The following STUM variants were observed in gnomAD, a reference collection of about 807,000 sequenced individuals.
STUM encodes the protein stum, mechanosensory transduction mediator homolog, also known as protein stum homolog.
In STUM, 8 loss-of-function variants were observed where a neutral mutation model predicts 15.3. That is an observed-to-expected ratio of 0.52 (90% CI 0.31 to 0.94). The LOEUF (loss-of-function observed/expected upper bound fraction) is 0.94. Ranked by LOEUF, STUM falls within the 40% of genes least tolerant of loss-of-function variation. The pLI is 0.05. For missense variants in STUM, 142 were observed against 204.9 expected (o/e 0.69, Z 1.87); for synonymous variants, 78 against 88.7 (o/e 0.88, Z 0.68).
chr1:226,564,197 CT>C (rs1003971910), intron 1 of STUM, among the ~76,000 whole-genome samples: 31 of 152,200 alleles, frequency 2.0e-4, no homozygotes, highest in African/African-American at 7.2e-4. Flanking sequence ...TTTAGTTTCC[CT>C]TCTGAGCCCA....
rs962466893 is a variant in STUM, at chr1:226,571,932, C to T, written c.202+22826C>T. On this transcript the variant is annotated intron_variant, in intron 1 of 3. Transcript: ENST00000366788. Reference sequence around the variant, plus strand: ...CTTGGATTACAGGCGTGAGCCACCACACCCGGCCCCTTTTCCCTTCCTTAT... The same window carrying T: ...CTTGGATTACAGGCGTGAGCCACCATACCCGGCCCCTTTTCCCTTCCTTAT... 3.3e-5 allele frequency among the ~76,000 whole-genome samples: 5 copies of T among 152,312 alleles called. No homozygotes were observed. In the East Asian group the frequency reaches 9.6e-4, roughly 29 times the overall value.
rs898906928 is a variant in STUM, at chr1:226,552,450, A to G, written c.202+3344A>G. 6.6e-6 allele frequency among the ~76,000 whole-genome samples: 1 copy of G among 152,218 alleles called. No homozygotes were observed. Among genetic ancestry groups the G allele is most frequent in the Non-Finnish European group, 1.5e-5 (1 of 68,046 alleles). Reference sequence around the variant, plus strand: ...ATATACACGATTATTCATACCTGTAATGAAAGTTCATTGTTATGCCCCAAC... The same window carrying G: ...ATATACACGATTATTCATACCTGTAGTGAAAGTTCATTGTTATGCCCCAAC... On this transcript the variant is annotated intron_variant, in intron 1 of 3. Coordinates refer to ENST00000366788, the MANE Select transcript of STUM (RefSeq NM_001003665.4). The surrounding 1 kb of genome is among the most constrained non-coding windows in gnomAD (Gnocchi z 4.7).
rs1179231929 is a variant in STUM, at chr1:226,565,568, T to G, written c.202+16462T>G. ...GCCAGTACATGGAGCCAGGGCTTCC[T>G]GCCGTCTGAAAAGTGTGGGTGTCCA... On this transcript the variant is annotated intron_variant, in intron 1 of 3. Transcript: ENST00000366788. The surrounding 1 kb of genome is among the most constrained non-coding windows in gnomAD (Gnocchi z 4.4). Among the ~76,000 whole-genome samples, 1 of 152,254 alleles carries G rather than the reference T, an allele frequency of 6.6e-6. No homozygotes were observed. The highest frequency in any genetic ancestry group is 1.5e-5 in the Non-Finnish European group (1 of 68,038).
At chr1:226,601,979 C>T in intron 3 of STUM, 27 bp from the exon 4 acceptor site, 1 of 1,608,110 alleles carries the variant, frequency 6.2e-7, no homozygotes, top group Non-Finnish European at 8.5e-7. Context: ...GGTGTCTAAC[C>T]ATCTCTCCTT....
chr1:226,597,490 G>T, intron 2 of STUM: 1 of 472,170 alleles, frequency 2.1e-6, no homozygotes. Flanking sequence ...TGTACCCCAT[G>T]CCCCTCATTG....
intron 1 of STUM, among the ~76,000 whole-genome samples, chr1:226,574,580 T>C (rs1233315846): frequency 2.6e-5 from 4 of 152,158 alleles, no homozygotes; most frequent in South Asian, 2.1e-4. Flanking sequence ...ACCTTGGGAA[T>C]TGGGGGCCAA....
At chr1:226,571,418 A>G (rs1667710296) in intron 1 of STUM, among the ~76,000 whole-genome samples, 1 of 152,174 alleles carries the variant, frequency 6.6e-6, no homozygotes, top group Non-Finnish European at 1.5e-5. Context: ...CGTAGCAGGA[A>G]TATCTATGGT....
Position 226,602,339 on chromosome 1 carries a change from T to A in STUM, c.*299T>A. The stretch of plus-strand genomic sequence containing the variant: ...CTGGGATGCTCCGGCAGGCTCCAAC[T>A]GGCCTTGCTGTACCCACTGCCCACC... On this transcript the variant is annotated 3_prime_UTR_variant, in exon 4 of 4. Coordinates refer to ENST00000366788, the MANE Select transcript of STUM (RefSeq NM_001003665.4). 1 of 431,794 alleles carries A rather than the reference T, an allele frequency of 2.3e-6. No individual in the cohort carries two copies. The highest frequency in any genetic ancestry group is 2.0e-5 in the African/African-American group (1 of 50,450). The allele number at this position is 431,794 out of a possible 1,614,324, so 26.7% of individuals were successfully genotyped here. A position where few individuals can be genotyped will look rare whatever the true frequency, so the allele number is the denominator to read the frequency against.
chr1:226,595,129 C>G (rs1668158697), intron 1 of STUM, among the ~76,000 whole-genome samples: 1 of 152,204 alleles, frequency 6.6e-6, no homozygotes, highest in South Asian at 2.1e-4. Flanking sequence ...CAGTGCAGCC[C>G]CCAGTTAGTC....
intron 1 of STUM, among the ~76,000 whole-genome samples, chr1:226,591,351 A>G (rs1002242270): frequency 6.6e-6 from 1 of 152,222 alleles, no homozygotes; most frequent in African/African-American, 2.4e-5. Context: ...ATATTTTTAC[A>G]TGGCTTAGAG....
At chr1:226,594,811 C>T (rs1668150770) in intron 1 of STUM, among the ~76,000 whole-genome samples, 1 of 152,198 alleles carries the variant, frequency 6.6e-6, no homozygotes, top group Non-Finnish European at 1.5e-5. Context: ...CCCGCCACCA[C>T]ATCCTGCTAA....
In STUM at chr1:226,601,988, T is replaced by G. The variant is rs1157185104; in HGVS notation, c.392-18T>G. On this transcript the variant is annotated intron_variant, in intron 3 of 3. Transcript: ENST00000366788. Reference sequence around the variant, plus strand: ...TAAGCAGGTGTCTAACCATCTCTCCTTTGCTTCTTCCTCACAGGCTACAAG... The same window carrying G: ...TAAGCAGGTGTCTAACCATCTCTCCGTTGCTTCTTCCTCACAGGCTACAAG... 18 of 1,609,672 alleles carry G rather than the reference T, an allele frequency of 1.1e-5. No homozygotes were observed. Among genetic ancestry groups the G allele is most frequent in the Non-Finnish European group, 1.4e-5 (17 of 1,179,398 alleles).
chr1:226,589,783 C>T (rs979383222), intron 1 of STUM, among the ~76,000 whole-genome samples: 4 of 152,094 alleles, frequency 2.6e-5, no homozygotes, highest in East Asian at 1.9e-4. Context: ...ACCATCTCCC[C>T]GCTCCAGCCC....
intron 1 of STUM, among the ~76,000 whole-genome samples, chr1:226,571,763 G>A (rs546186331): frequency 1.3e-5 from 2 of 151,884 alleles, no homozygotes; most frequent in South Asian, 2.1e-4. Flanking sequence ...CCTCAGCCTC[G>A]TGAGTAGCTG....
Position 226,549,777 on chromosome 1 carries a change from C to T in STUM, c.202+671C>T, listed in dbSNP as rs929921044. 6.6e-6 allele frequency among the ~76,000 whole-genome samples: 1 copy of T among 152,330 alleles called. No homozygotes were observed. The highest frequency in any genetic ancestry group is 2.4e-5 in the African/African-American group (1 of 41,576). On this transcript the variant is annotated intron_variant, in intron 1 of 3. Transcript: ENST00000366788. This position sits in a 1 kb window ranked among gnomAD's most constrained non-coding sequence, Gnocchi z 6.8. ...TGGCCAGAGATGAACCCATAGCTCCCTCGGATCCCTTCTGTTCCTGAGAAG... is the reference window on the plus strand; with the variant it reads ...TGGCCAGAGATGAACCCATAGCTCCTTCGGATCCCTTCTGTTCCTGAGAAG...
Position 226,549,339 on chromosome 1 carries a change from G to A in STUM, c.202+233G>A, listed in dbSNP as rs994048837. Among the ~76,000 whole-genome samples the A allele has an allele frequency of 2.0e-5, 3 of 152,202 alleles. No homozygotes were observed. The highest frequency in any genetic ancestry group is 4.4e-5 in the Non-Finnish European group (3 of 68,026). On this transcript the variant is annotated intron_variant, in intron 1 of 3. Transcript: ENST00000366788. The surrounding 1 kb of genome is among the most constrained non-coding windows in gnomAD (Gnocchi z 6.8). ...TCCGACCCGCAGGCGGGGCCCCAAA[G>A]AGCCGGAAACTTTGCGGCCAATGTT...
At chr1:226,592,749 G>T (rs1393072673) in intron 1 of STUM, among the ~76,000 whole-genome samples, 1 of 152,220 alleles carries the variant, frequency 6.6e-6, no homozygotes, top group Admixed American at 6.5e-5. Context: ...CAGAAGCAAA[G>T]AATGGTGGCA....
rs918806749 is a variant in STUM, at chr1:226,565,428, C to T, written c.202+16322C>T. 6.6e-6 allele frequency among the ~76,000 whole-genome samples: 1 copy of T among 152,180 alleles called. No homozygotes were observed. The highest frequency in any genetic ancestry group is 1.5e-5 in the Non-Finnish European group (1 of 68,028). On this transcript the variant is annotated intron_variant, in intron 1 of 3. Transcript: ENST00000366788. The surrounding 1 kb of genome is among the most constrained non-coding windows in gnomAD (Gnocchi z 4.4). ...ACTAGACTGTGGGGTCCTGAACCAC[C>T]AGCCTTGGCATACTACTGCTCCCCC... is the stretch of plus-strand genomic sequence containing the variant.
chr1:226,550,215 C>T (rs1276698987), intron 1 of STUM, among the ~76,000 whole-genome samples: 2 of 152,208 alleles, frequency 1.3e-5, no homozygotes, highest in Admixed American at 1.3e-4. Flanking sequence ...GGTCTCCTCG[C>T]TCTTCGCCTG....
Sources: allele counts gnomAD v4.1 joint callset (sites outside exome capture counted in the v4.1 genomes callset), GRCh38; gene constraint gnomAD v4.1.1; non-coding constraint Gnocchi (gnomAD v3.1); transcripts MANE v1.5; gene names NCBI Gene and HGNC (gene_info 2026-07-23, HGNC 2026-07-21).